The following NFAT5 variants were observed in gnomAD, a reference collection of about 807,000 sequenced individuals.
NFAT5 encodes the protein nuclear factor of activated T-cells 5.
A neutral mutation model predicts 166.5 loss-of-function variants in NFAT5; 31 were observed. The ratio of observed to expected loss-of-function variants is 0.19; its 90% CI spans 0.14 to 0.25. NFAT5 has a LOEUF of 0.25. Ranked by LOEUF, NFAT5 falls within the 10% of genes least tolerant of loss-of-function variation. The pLI is 1.00. For missense variants in NFAT5, 1,449 were observed against 1,821.8 expected, an observed-to-expected ratio of 0.80 and a Z score of 3.72; for synonymous variants, 612 against 639.7, an observed-to-expected ratio of 0.96 and a Z score of 0.65.
At chr16:69,662,600 C>T (rs1354331141) in intron 7 of NFAT5, among the ~76,000 whole-genome samples, 3 of 151,902 alleles carry the variant, frequency 2.0e-5, no homozygotes, top group African/African-American at 7.3e-5. Flanking sequence ...GCTGGGACTA[C>T]AGGCACCCGC....
In NFAT5 at chr16:69,566,273, G is replaced by C; in HGVS notation, c.-29G>C. The C allele has an allele frequency of 1.3e-6, 2 of 1,588,188 alleles. No homozygotes were observed. Among genetic ancestry groups the C allele is most frequent in the Non-Finnish European group, 1.7e-6 (2 of 1,169,554 alleles). ...CCACCGCCGCTCCCCCCCTCCCGCT[G>C]CCCTCGGGCCGGGCTGGGTCGAGCT... On this transcript the variant is annotated 5_prime_UTR_variant, in exon 1 of 15. Coordinates refer to ENST00000349945, the MANE Select transcript of NFAT5 (RefSeq NM_138713.4). The surrounding 1 kb of genome is among the most constrained non-coding windows in gnomAD (Gnocchi z 5.7).
At chr16:69,662,450 C>CTTTCTTTTTT (rs1399691895) in intron 7 of NFAT5, among the ~76,000 whole-genome samples, 2 of 96,996 alleles carry the variant, frequency 2.1e-5, no homozygotes, top group African/African-American at 7.7e-5. Flanking sequence ...ACACCTCTTT[C>CTTTCTTTTTT]TTTTTTTTTT....
chr16:69,671,372 TTTG>T (rs776540716), intron 9 of NFAT5, among the ~76,000 whole-genome samples: 4 of 152,106 alleles, frequency 2.6e-5, no homozygotes, highest in Non-Finnish European at 4.4e-5. Flanking sequence ...TTGTTTTTGT[TTTG>T]TTGTTGTTGT....
At chr16:69,592,255 T>G (rs1221361243) in intron 2 of NFAT5, among the ~76,000 whole-genome samples, 1 of 152,006 alleles carries the variant, frequency 6.6e-6, no homozygotes, top group African/African-American at 2.4e-5. Flanking sequence ...AATTTTTGTA[T>G]TTTTAGTAGA....
intron 3 of NFAT5, among the ~76,000 whole-genome samples, chr16:69,640,393 A>T (rs1299377411): frequency 6.6e-6 from 1 of 152,222 alleles, no homozygotes; most frequent in Non-Finnish European, 1.5e-5. Flanking sequence ...TAAACTTTGC[A>T]TTAATATTAT....
intron 2 of NFAT5, among the ~76,000 whole-genome samples, chr16:69,583,187 A>C (rs1394652788): frequency 1.3e-5 from 2 of 151,710 alleles, no homozygotes; most frequent in East Asian, 3.9e-4. Context: ...TATTTATTTA[A>C]ATTTATTTAT....
In NFAT5 at chr16:69,566,283, C is replaced by G. The variant is rs761325774; in HGVS notation, c.-19C>G. 6.3e-6 allele frequency: 10 copies of G among 1,594,562 alleles called. No individual in the cohort carries two copies. Among genetic ancestry groups the G allele is most frequent in the Non-Finnish European group, 6.0e-6 (7 of 1,172,884 alleles). Reference sequence around the variant, plus strand: ...TCCCCCCCTCCCGCTGCCCTCGGGCCGGGCTGGGTCGAGCTGCGATGCCCT... The same window carrying G: ...TCCCCCCCTCCCGCTGCCCTCGGGCGGGGCTGGGTCGAGCTGCGATGCCCT... On this transcript the variant is annotated 5_prime_UTR_variant, in exon 1 of 15. Transcript: ENST00000349945. This position sits in a 1 kb window ranked among gnomAD's most constrained non-coding sequence, Gnocchi z 5.7.
chr16:69,590,083 A>G (rs1293720650), intron 2 of NFAT5, among the ~76,000 whole-genome samples: 2 of 152,156 alleles, frequency 1.3e-5, no homozygotes, highest in African/African-American at 4.8e-5. Flanking sequence ...CTGATAAAGG[A>G]GAATTGCATG....
rs1330579544 is a variant in NFAT5, at chr16:69,691,943, T to C, written c.2118T>C (p.Thr706=). 6.2e-7 allele frequency: 1 copy of C among 1,614,180 alleles called. No individual in the cohort carries two copies. Among genetic ancestry groups the C allele is most frequent in the South Asian group, 1.1e-5 (1 of 91,078 alleles). The part of the protein sequence containing the change: ...IQTQDISQPG[T]FPAVSASSQL... ...CCCAGGACATCTCACAGCCTGGTAC[T>C]TTTCCAGCAGTTTCTGCTTCTAGTC... The change falls in exon 13 of 15, where the codon ACT becomes ACC. Residue 706 remains threonine, a synonymous_variant. Transcript: ENST00000349945.
Position 69,701,528 on chromosome 16 carries a change from G to A in NFAT5, c.*5177G>A, listed in dbSNP as rs538794812. On this transcript the variant is annotated 3_prime_UTR_variant, in exon 15 of 15. Coordinates refer to ENST00000349945, the MANE Select transcript of NFAT5 (RefSeq NM_138713.4). The stretch of plus-strand genomic sequence containing the variant: ...CTTTGGCTTAAGAATAAAAGAAAAG[G>A]TACATTGCTAGAATTGTTTCTTTGG... 6.6e-6 allele frequency: 1 copy of A among 152,586 alleles called. No homozygotes were observed. Among genetic ancestry groups the A allele is most frequent in the East Asian group, 1.9e-4 (1 of 5,176 alleles). 9.5% of individuals were successfully genotyped at this position (152,586 alleles called of 1,614,324 possible).
In NFAT5 at chr16:69,692,867, A is replaced by G. The variant is rs759482158; in HGVS notation, c.3042A>G (p.Gln1014=). 19 of 1,614,130 alleles carry G rather than the reference A, an allele frequency of 1.2e-5. No homozygotes were observed. Among genetic ancestry groups the G allele is most frequent in the Non-Finnish European group, 1.6e-5 (19 of 1,180,054 alleles). ...SSGDGEETGT[Q]AKQIQNSVFQ... ...GAGATGGAGAAGAAACTGGAACACA[A>G]GCAAAACAGATTCAGAACAGTGTCT... Residue 1014 remains glutamine, a synonymous_variant, in exon 13 of 15, where the codon CAA becomes CAG. Transcript: ENST00000349945.
intron 2 of NFAT5, among the ~76,000 whole-genome samples, chr16:69,625,149 C>G (rs1204618576): frequency 6.6e-6 from 1 of 151,952 alleles, no homozygotes; most frequent in African/African-American, 2.4e-5. Flanking sequence ...TGATCCACCC[C>G]CTTCAGTCTC....
intron 7 of NFAT5, among the ~76,000 whole-genome samples, chr16:69,663,564 T>TAAAAA (rs60161117): frequency 1.1e-5 from 1 of 92,000 alleles, no homozygotes; most frequent in Non-Finnish European, 2.2e-5. Flanking sequence ...CCCATCTCTT[T>TAAAAA]AAAAAAAAAA....
chr16:69,630,402 C>T (rs2034661393), intron 3 of NFAT5, among the ~76,000 whole-genome samples: 1 of 151,906 alleles, frequency 6.6e-6, no homozygotes, highest in Admixed American at 6.6e-5. Flanking sequence ...AACCCCTGGC[C>T]TCAAGCAGTT....
chr16:69,677,913 G>A (rs1177718967), intron 10 of NFAT5, among the ~76,000 whole-genome samples: 1 of 152,030 alleles, frequency 6.6e-6, no homozygotes, highest in Non-Finnish European at 1.5e-5. Flanking sequence ...AGCACTTTGG[G>A]AGGCCGAGGC....
chr16:69,599,573 A>T (rs1381471904), intron 2 of NFAT5, among the ~76,000 whole-genome samples: 1 of 152,224 alleles, frequency 6.6e-6, no homozygotes, highest in East Asian at 1.9e-4. Context: ...TCAGTCTCAA[A>T]AAGAATAAAA....
intron 9 of NFAT5, 42 bp downstream of exon 9, chr16:69,670,330 T>C (rs754084117): frequency 3.0e-5 from 38 of 1,248,000 alleles, no homozygotes; most frequent in African/African-American, 7.7e-5. Flanking sequence ...ATTTACTCTC[T>C]GAGCAATTCA....
At chr16:69,628,873 G>A (rs899302647) in intron 3 of NFAT5, among the ~76,000 whole-genome samples, 1 of 152,184 alleles carries the variant, frequency 6.6e-6, no homozygotes, top group African/African-American at 2.4e-5. Context: ...AGGAGTTCAA[G>A]ACCAGCCTGA....
intron 2 of NFAT5, among the ~76,000 whole-genome samples, chr16:69,588,513 C>CTTATTT (rs1567521847): frequency 6.6e-6 from 1 of 151,430 alleles, no homozygotes; most frequent in African/African-American, 2.4e-5. Flanking sequence ...GTTCTCACCA[C>CTTATTT]ACTTATTTGT....
Sources: allele counts gnomAD v4.1 joint callset (sites outside exome capture counted in the v4.1 genomes callset), GRCh38; gene constraint gnomAD v4.1.1; non-coding constraint Gnocchi (gnomAD v3.1); transcripts MANE v1.5; gene names NCBI Gene and HGNC (gene_info 2026-07-23, HGNC 2026-07-21).